The following MME variants were observed in gnomAD, a reference collection of about 807,000 sequenced individuals.
The protein encoded by MME is membrane metalloendopeptidase.
A neutral mutation model predicts 113.2 loss-of-function variants in MME; 98 were observed. That is an observed-to-expected ratio of 0.87 (90% CI 0.74 to 1.02). The LOEUF is 1.02. MME is among the 50% of genes least tolerant of loss of function. The probability of loss-of-function intolerance (pLI) is 0.00; values close to 1 mark genes in which losing one functional copy is unlikely to be tolerated. For missense variants in MME, 836 were observed against 896.0 expected (o/e 0.93, Z 0.86); for synonymous variants, 292 against 300.6 (o/e 0.97, Z 0.30).
chr3:155,063,154 G>T (rs1204910482), intron 1 of MME, among the ~76,000 whole-genome samples: 16 of 128,250 alleles, frequency 1.2e-4, no homozygotes, highest in African/African-American at 1.5e-4. Context: ...ATATATTTAT[G>T]TTGTATAATT....
At chr3:155,097,904 T>C (rs1358748288) in intron 3 of MME, among the ~76,000 whole-genome samples, 1 of 152,160 alleles carries the variant, frequency 6.6e-6, no homozygotes, top group Non-Finnish European at 1.5e-5. Context: ...GAAATGGCAT[T>C]AAACCAGGCA....
chr3:155,171,612 T>G (rs534149373), intron 20 of MME, among the ~76,000 whole-genome samples: 1 of 152,168 alleles, frequency 6.6e-6, no homozygotes, highest in Non-Finnish European at 1.5e-5. Flanking sequence ...TAGTTGCATT[T>G]TATTATCCTC....
intron 8 of MME, among the ~76,000 whole-genome samples, chr3:155,127,358 G>T (rs1288579351): frequency 1.3e-5 from 2 of 152,152 alleles, no homozygotes; most frequent in African/African-American, 2.4e-5. Flanking sequence ...GTCAAAGTTG[G>T]TTCACCAGTG....
intron 1 of MME, among the ~76,000 whole-genome samples, chr3:155,064,272 G>C (rs913888486): frequency 2.6e-5 from 4 of 152,054 alleles, no homozygotes; most frequent in African/African-American, 4.8e-5. Flanking sequence ...CTGGGCAACA[G>C]AGTGAGACTC....
At chr3:155,034,127 G>T (rs763146998) in intron 1 of MME, among the ~76,000 whole-genome samples, 1 of 152,098 alleles carries the variant, frequency 6.6e-6, no homozygotes, top group Non-Finnish European at 1.5e-5. Flanking sequence ...TTAACAGTAA[G>T]ATGTGAGTTT....
chr3:155,053,572 A>G (rs1336402942), intron 1 of MME, among the ~76,000 whole-genome samples: 2 of 152,110 alleles, frequency 1.3e-5, no homozygotes, highest in African/African-American at 4.8e-5. Flanking sequence ...CCCTCCCATG[A>G]CTTGTGGGGA....
chr3:155,067,300 CTTTTTTTTTTTT>C (rs576443367), intron 1 of MME, among the ~76,000 whole-genome samples: 1 of 92,070 alleles, frequency 1.1e-5, no homozygotes, highest in Non-Finnish European at 2.2e-5. Context: ...ATTTATTTTC[CTTTTTTTTTTTT>C]TTTTTTTTTT....
chr3:155,104,043 A>G (rs1717480703), intron 3 of MME, among the ~76,000 whole-genome samples: 1 of 152,110 alleles, frequency 6.6e-6, no homozygotes, highest in African/African-American at 2.4e-5. Flanking sequence ...TCACAAAACA[A>G]CCTTTCATAT....
chr3:155,063,667 TATATA>T (rs1391092426), intron 1 of MME, among the ~76,000 whole-genome samples: 1 of 90,262 alleles, frequency 1.1e-5, no homozygotes, highest in Non-Finnish European at 2.1e-5. Flanking sequence ...TATAACATAT[TATATA>T]TTATATTATA....
chr3:155,090,813 G>A (rs536731348), intron 3 of MME, among the ~76,000 whole-genome samples: 6 of 152,200 alleles, frequency 3.9e-5, no homozygotes, highest in Non-Finnish European at 8.8e-5. Context: ...TGTGCTTTGA[G>A]CTATGACCCT....
At chr3:155,081,530 A>G (rs1715143388) in intron 1 of MME, 1 of 152,102 alleles carries the variant, frequency 6.6e-6, no homozygotes, top group African/African-American at 2.4e-5. Context: ...TATTTAACAC[A>G]TCTTCAGTTG....
At chr3:155,085,613 T>A (rs943776770) in intron 3 of MME, 1 of 152,338 alleles carries the variant, frequency 6.6e-6, no homozygotes, top group Non-Finnish European at 1.5e-5. Context: ...CTGACTGCAA[T>A]CTCCGCCTCC....
chr3:155,056,639 C>T lies in MME; in HGVS notation c.-10-27519C>T, dbSNP rs539907614. Among the ~76,000 whole-genome samples, 393 of 151,808 alleles carry T rather than the reference C, an allele frequency of 2.6e-3. 1 individual carries two copies. Among genetic ancestry groups the T allele is most frequent in the African/African-American group, 8.9e-3 (368 of 41,282 alleles). The stretch of plus-strand genomic sequence containing the variant: ...TGTGAATAGTGCCGCAATAAACATA[C>T]GTGTGCGTGTGTCTTTATAGCAGCA... On this transcript the variant is annotated intron_variant, in intron 1 of 22. Transcript: ENST00000492661.
At chr3:155,141,846 G>C in intron 10 of MME, 145 bp from the exon 11 acceptor site, 1 of 869,180 alleles carries the variant, frequency 1.2e-6, no homozygotes, top group Non-Finnish European at 1.8e-6. Flanking sequence ...TGCAGAACTA[G>C]TTTTTATTTA....
intron 1 of MME, among the ~76,000 whole-genome samples, chr3:155,082,650 G>A (rs112680822): frequency 6.6e-6 from 1 of 152,118 alleles, no homozygotes; most frequent in African/African-American, 2.4e-5. Context: ...TTTTCATTGT[G>A]TAATAAAATA....
chr3:155,164,143 CAAAAAAA>C (rs34922274), intron 17 of MME, among the ~76,000 whole-genome samples: 4 of 90,124 alleles, frequency 4.4e-5, no homozygotes, highest in South Asian at 3.2e-4. Flanking sequence ...GACCCTGTTT[CAAAAAAA>C]AAAAAAAAAA....
chr3:155,048,263 G>T (rs529526477), intron 1 of MME, among the ~76,000 whole-genome samples: 5 of 152,028 alleles, frequency 3.3e-5, no homozygotes, highest in Admixed American at 6.6e-5. Flanking sequence ...CCTTTTCCTG[G>T]TTTCTATGGG....
At chr3:155,157,701 C>A (rs1267581327) in intron 16 of MME, among the ~76,000 whole-genome samples, 15 of 151,954 alleles carry the variant, frequency 9.9e-5, no homozygotes, top group Non-Finnish European at 2.1e-4. Flanking sequence ...TGATTATTAC[C>A]AGGGACAAAA....
At chr3:155,172,844 T>A (rs142006171) in intron 22 of MME, among the ~76,000 whole-genome samples, 2 of 152,144 alleles carry the variant, frequency 1.3e-5, no homozygotes, top group Non-Finnish European at 2.9e-5. Flanking sequence ...CCTTAGAATC[T>A]ACGAGGCTCA....
Sources: allele counts gnomAD v4.1 joint callset (sites outside exome capture counted in the v4.1 genomes callset), GRCh38; gene constraint gnomAD v4.1.1; transcripts MANE v1.5; gene names NCBI Gene and HGNC (gene_info 2026-07-23, HGNC 2026-07-21).